NCOA2: variants seen among roughly 807,000 people sequenced by gnomAD.
NCOA2 encodes the protein class E basic helix-loop-helix protein 75.
In NCOA2, 21 loss-of-function variants were observed where a neutral mutation model predicts 145.1. That is an observed-to-expected ratio of 0.14 (90% confidence interval 0.10 to 0.21). The LOEUF (loss-of-function observed/expected upper bound fraction) is 0.21. Among genes scored for constraint, NCOA2 ranks in the 10% least tolerant of loss-of-function variants. The probability of loss-of-function intolerance (pLI) is 1.00; values close to 1 mark genes in which losing one functional copy is unlikely to be tolerated. For missense variants in NCOA2, 1,472 were observed against 1,837.6 expected, an observed-to-expected ratio of 0.80 and a Z score of 3.64; for synonymous variants, 619 against 637.5, an observed-to-expected ratio of 0.97 and a Z score of 0.44.
chr8:70,124,732 G>A lies in NCOA2; in HGVS notation c.4050C>T (p.Pro1350=). The A allele has an allele frequency of 6.2e-7, 1 of 1,613,142 alleles. No homozygotes were observed. The highest frequency in any genetic ancestry group is 8.5e-7 in the Non-Finnish European group (1 of 1,179,618). Reference sequence around the variant, plus strand: ...CCTGCGCCCATCCATTTATGTCGGAGGGGGCCTGATAGGCTGGGTTGGCCT... The same window carrying A: ...CCTGCGCCCATCCATTTATGTCGGAAGGGGCCTGATAGGCTGGGTTGGCCT... ...QSQANPAYQA[P]SDINGWAQGN... The change falls in exon 20 of 23, where the codon CCC becomes CCT. Residue 1350 remains proline, a synonymous_variant. Transcript: ENST00000452400.
intron 1 of NCOA2, among the ~76,000 whole-genome samples, chr8:70,312,812 G>A (rs1805248995): frequency 6.6e-6 from 1 of 152,164 alleles, no homozygotes; most frequent in Admixed American, 6.5e-5. Flanking sequence ...GAGAACTATG[G>A]TAAAAAATCT....
intron 11 of NCOA2, among the ~76,000 whole-genome samples, chr8:70,153,242 T>C (rs1030567847): frequency 3.3e-5 from 5 of 152,234 alleles, no homozygotes; most frequent in Admixed American, 6.5e-5. Context: ...CCTCTGTGTG[T>C]GTGCACATGC....
chr8:70,166,900 G>T, intron 6 of NCOA2, 146 bp from the exon 7 acceptor site: 1 of 762,638 alleles, frequency 1.3e-6, no homozygotes, highest in East Asian at 2.9e-5. Flanking sequence ...TCATAATCTA[G>T]AGGAGGAAAA....
At chr8:70,320,864 T>A (rs1389128846) in intron 1 of NCOA2, among the ~76,000 whole-genome samples, 1 of 152,220 alleles carries the variant, frequency 6.6e-6, no homozygotes, top group Non-Finnish European at 1.5e-5. Context: ...CTGTGCATAT[T>A]GTCTTTAGTA....
At chr8:70,352,682 C>G (rs997588271) in intron 1 of NCOA2, among the ~76,000 whole-genome samples, 1 of 152,160 alleles carries the variant, frequency 6.6e-6, no homozygotes, top group African/African-American at 2.4e-5. Context: ...CCAATACATA[C>G]AACAACTGCA....
intron 1 of NCOA2, among the ~76,000 whole-genome samples, chr8:70,323,732 C>T (rs1380896): frequency 0.28 from 43,275 of 151,990 alleles, 8,388 homozygotes; most frequent in East Asian, 0.57. Flanking sequence ...CAACTATCTC[C>T]AATAACCTTT....
rs551817579 is a variant in NCOA2, at chr8:70,144,282, A to T, written c.2812+360T>A. ...TTAAGCTCTTATTCTGAAATTCTCC[A>T]AACACAAATAATCAATCCATAAGTT... is the stretch of plus-strand genomic sequence containing the variant. On this transcript the variant is annotated intron_variant, in intron 13 of 22. Transcript: ENST00000452400. 8.3e-4 allele frequency among the ~76,000 whole-genome samples: 127 copies of T among 152,380 alleles called. 1 individual carries two copies. Among genetic ancestry groups the T allele is most frequent in the African/African-American group, 3.0e-3 (123 of 41,594 alleles).
intron 21 of NCOA2, among the ~76,000 whole-genome samples, chr8:70,121,765 T>A (rs1478398116): frequency 6.6e-6 from 1 of 152,244 alleles, no homozygotes; most frequent in African/African-American, 2.4e-5. Context: ...GAGAAATTCC[T>A]GACATCTTTG....
intron 1 of NCOA2, among the ~76,000 whole-genome samples, chr8:70,374,857 T>C (rs1021863834): frequency 1.3e-5 from 2 of 151,692 alleles, no homozygotes; most frequent in Non-Finnish European, 2.9e-5. Context: ...AAAAAAAGTC[T>C]TTCTAAAAGA....
intron 11 of NCOA2, among the ~76,000 whole-genome samples, chr8:70,151,447 C>G (rs1811739531): frequency 6.6e-6 from 1 of 152,134 alleles, no homozygotes; most frequent in South Asian, 2.1e-4. Context: ...ACAACCACAC[C>G]TGGCTCATTT....
At chr8:70,218,789 C>T (rs2133984367) in intron 2 of NCOA2, among the ~76,000 whole-genome samples, 1 of 152,280 alleles carries the variant, frequency 6.6e-6, no homozygotes, top group African/African-American at 2.4e-5. Context: ...AGAAGTCATA[C>T]AAACTTAAGA....
At chr8:70,329,950 A>G (rs1451482734) in intron 1 of NCOA2, among the ~76,000 whole-genome samples, 1 of 152,200 alleles carries the variant, frequency 6.6e-6, no homozygotes, top group Non-Finnish European at 1.5e-5. Context: ...CTAATGGAAA[A>G]GAGCACAGGA....
At chr8:70,206,913 C>T (rs1818497424) in intron 4 of NCOA2, among the ~76,000 whole-genome samples, 1 of 152,156 alleles carries the variant, frequency 6.6e-6, no homozygotes, top group Admixed American at 6.5e-5. Context: ...GTTTATTGTC[C>T]TCCTCGAAGC....
chr8:70,440,831 G>A, the NCOA2 span, among the ~76,000 whole-genome samples: 1 of 151,306 alleles, frequency 6.6e-6, no homozygotes, highest in South Asian at 2.1e-4. Flanking sequence ...GAGCAAGAAA[G>A]AAAGAGGAAA....
rs778283765 is a variant in NCOA2, at chr8:70,350,298, A to AT, written c.-77+53401dup. 3.9e-4 allele frequency among the ~76,000 whole-genome samples: 59 copies of AT among 152,140 alleles called. 1 individual carries two copies. The highest frequency in any genetic ancestry group is 1.5e-3 in the South Asian group (7 of 4,826). On this transcript the variant is annotated intron_variant, in intron 1 of 22. Coordinates refer to ENST00000452400, the MANE Select transcript of NCOA2 (RefSeq NM_006540.4). ...TCAGTTAATAATTATAATTCATGTGATTTTTTCCCCCAAATATACCACTGA... is the reference window on the plus strand; with the variant it reads ...TCAGTTAATAATTATAATTCATGTGATTTTTTTCCCCCAAATATACCACTGA...
the NCOA2 span, among the ~76,000 whole-genome samples, chr8:70,435,146 C>A: frequency 5.9e-3 from 904 of 152,178 alleles, 7 homozygotes; most frequent in Non-Finnish European, 0.01. Flanking sequence ...ACACACTCGG[C>A]CGGGCGCGGT....
chr8:70,262,490 GTTC>G, intron 2 of NCOA2, among the ~76,000 whole-genome samples: 2 of 152,308 alleles, frequency 1.3e-5, no homozygotes, highest in Non-Finnish European at 2.9e-5. Flanking sequence ...CTTAATTGCA[GTTC>G]CTTGAATCAT....
chr8:70,115,632 T>C (rs546463287), intron 22 of NCOA2, among the ~76,000 whole-genome samples: 1 of 152,344 alleles, frequency 6.6e-6, no homozygotes, highest in South Asian at 2.1e-4. Flanking sequence ...TAATCAATTT[T>C]CATAACACTA....
rs140767175 is a variant in NCOA2 at position 70,374,717 on chromosome 8, G to A, written c.-77+28983C>T. On this transcript the variant is annotated intron_variant, in intron 1 of 22. Coordinates refer to ENST00000452400, the MANE Select transcript of NCOA2 (RefSeq NM_006540.4). ...TTCGGGAGGCTGAGGTGGGAAGATC[G>A]CTTGAGCACAGGAGGTTAAGGCTGC... Among the ~76,000 whole-genome samples, 887 of 151,370 alleles carry A rather than the reference G, an allele frequency of 5.9e-3. 5 individuals carry two copies. The highest frequency in any genetic ancestry group is 0.02 in the African/African-American group (828 of 41,262).
Sources: allele counts gnomAD v4.1 joint callset (sites outside exome capture counted in the v4.1 genomes callset), GRCh38; gene constraint gnomAD v4.1.1; transcripts MANE v1.5; gene names NCBI Gene and HGNC (gene_info 2026-07-23, HGNC 2026-07-21).